Variants in PRKD1 observed in about 807,000 individuals in gnomAD.
PRKD1 encodes the protein protein kinase D1, also known as serine/threonine-protein kinase D1.
PRKD1 carries 63 observed loss-of-function variants against 95.9 expected under a neutral mutation model. The ratio of observed to expected loss-of-function variants is 0.66; its 90% confidence interval spans 0.54 to 0.81. PRKD1 has a LOEUF of 0.81. Ranked by LOEUF, PRKD1 falls within the 30% of genes least tolerant of loss-of-function variation. The pLI is 0.00. For missense variants in PRKD1, 1,048 were observed against 1,165.3 expected, an observed-to-expected ratio of 0.90 and a Z score of 1.47; for synonymous variants, 425 against 423.1, an observed-to-expected ratio of 1.00 and a Z score of -0.05.
chr14:29,744,542 CTT>C (rs1594478024), intron 1 of PRKD1, among the ~76,000 whole-genome samples: 2 of 152,180 alleles, frequency 1.3e-5, no homozygotes, highest in East Asian at 3.9e-4. Context: ...TGGAATCATT[CTT>C]TTTATTAAAA....
chr14:29,904,211 C>T (rs1894418495), intron 1 of PRKD1, among the ~76,000 whole-genome samples: 1 of 152,078 alleles, frequency 6.6e-6, no homozygotes, highest in African/African-American at 2.4e-5. Context: ...GGAATTGAAG[C>T]TCAATCAAAA....
At chr14:29,655,298 G>C (rs547790834) in intron 4 of PRKD1, among the ~76,000 whole-genome samples, 1 of 152,242 alleles carries the variant, frequency 6.6e-6, no homozygotes, top group South Asian at 2.1e-4. Flanking sequence ...GAGTAAGAAT[G>C]ATTTTTCAAA....
intron 2 of PRKD1, among the ~76,000 whole-genome samples, chr14:29,671,601 A>G (rs1261653046): frequency 8.2e-6 from 1 of 122,224 alleles, no homozygotes; most frequent in African/African-American, 3.3e-5. Context: ...TTTAAACTAA[A>G]AGAAAAAAAA....
intron 2 of PRKD1, among the ~76,000 whole-genome samples, chr14:29,719,361 GGAT>G (rs1188854235): frequency 6.6e-6 from 1 of 152,124 alleles, no homozygotes; most frequent in Non-Finnish European, 1.5e-5. Context: ...ATGAGGAAGA[GGAT>G]GATAATGGTC....
intron 1 of PRKD1, among the ~76,000 whole-genome samples, chr14:29,782,989 G>A (rs986848770): frequency 6.6e-6 from 1 of 152,118 alleles, no homozygotes; most frequent in Non-Finnish European, 1.5e-5. Context: ...TCAAACATTT[G>A]TTTCTTTGTG....
In PRKD1 at chr14:29,868,841, T is replaced by G. The variant is rs1893003186; in HGVS notation, c.264+58408A>C. 3.9e-5 allele frequency among the ~76,000 whole-genome samples: 6 copies of G among 152,186 alleles called. No individual in the cohort carries two copies. In the South Asian group the frequency reaches 1.2e-3, roughly 31 times the overall value. On this transcript the variant is annotated intron_variant, in intron 1 of 17. Transcript: ENST00000331968. ...TATTATTCTAGTTCCTATGGAAACA[T>G]GCATTCTACTTACTGAGGCCAATCG...
At chr14:29,697,639 A>G (rs977790260) in intron 2 of PRKD1, among the ~76,000 whole-genome samples, 2 of 152,214 alleles carry the variant, frequency 1.3e-5, no homozygotes, top group Non-Finnish European at 2.9e-5. Flanking sequence ...ATGTTGTAAT[A>G]TAAAATGTCG....
At chr14:29,845,652 T>A (rs1444162139) in intron 1 of PRKD1, among the ~76,000 whole-genome samples, 3 of 151,922 alleles carry the variant, frequency 2.0e-5, no homozygotes, top group African/African-American at 7.2e-5. Context: ...CTAATACAAC[T>A]AAAAAAAATC....
chr14:29,592,005 C>T (rs1038976954), intron 16 of PRKD1, among the ~76,000 whole-genome samples: 1 of 152,104 alleles, frequency 6.6e-6, no homozygotes. Flanking sequence ...TACTGAGCTG[C>T]CCTTCCATAG....
intron 1 of PRKD1, among the ~76,000 whole-genome samples, chr14:29,923,301 CATATA>C (rs1392885240): frequency 1.3e-5 from 2 of 149,362 alleles, no homozygotes; most frequent in East Asian, 2.0e-4. Flanking sequence ...AATCAGTAGA[CATATA>C]ATATAGCCAA....
chr14:29,638,263 T>C (rs570242061), intron 6 of PRKD1: 3 of 524,974 alleles, frequency 5.7e-6, no homozygotes, highest in African/African-American at 3.8e-5. Context: ...AAGTTTTCAA[T>C]ACTAGCTGCT....
chr14:29,894,461 G>A (rs566026311), intron 1 of PRKD1, among the ~76,000 whole-genome samples: 20 of 152,324 alleles, frequency 1.3e-4, no homozygotes, highest in African/African-American at 4.8e-4. Flanking sequence ...AGTAAAGAAA[G>A]GCAGATAATG....
intron 1 of PRKD1, among the ~76,000 whole-genome samples, chr14:29,790,765 T>C (rs1379797385): frequency 6.6e-6 from 1 of 152,180 alleles, no homozygotes; most frequent in Non-Finnish European, 1.5e-5. Flanking sequence ...GAACAAACAG[T>C]AGTAAGCTTT....
At position 29,647,117 on chromosome 14, in the gene PRKD1, C is replaced by T. The variant is rs374768576; in HGVS notation, c.697-8213G>A. ...ATATGTGCCCACTGCTTAGTGGTGA[C>T]AGATACTGTGTTATACCATGGAGAA... On this transcript the variant is annotated intron_variant, in intron 4 of 17. Transcript: ENST00000331968. 9.5e-4 allele frequency among the ~76,000 whole-genome samples: 144 copies of T among 152,158 alleles called. 1 individual carries two copies. The highest frequency in any genetic ancestry group is 3.3e-3 in the African/African-American group (137 of 41,522).
chr14:29,598,919 T>C, intron 15 of PRKD1, 108 bp downstream of exon 15: 1 of 959,532 alleles, frequency 1.0e-6, no homozygotes, highest in South Asian at 1.5e-5. Flanking sequence ...TAGAAAACAC[T>C]TGAAACAAAT....
chr14:29,716,815 T>G (rs975227836), intron 2 of PRKD1, among the ~76,000 whole-genome samples: 1 of 152,162 alleles, frequency 6.6e-6, no homozygotes, highest in South Asian at 2.1e-4. Flanking sequence ...GTCATGGTGA[T>G]GAACACAATC....
At position 29,636,689 on chromosome 14, in the gene PRKD1, T is replaced by C. The variant is rs1880405716; in HGVS notation, c.986-195A>G. 1.3e-5 allele frequency among the ~76,000 whole-genome samples: 2 copies of C among 152,162 alleles called. 1 individual carries two copies. Among genetic ancestry groups the C allele is most frequent in the Admixed American group, 1.3e-4 (2 of 15,274 alleles). On this transcript the variant is annotated intron_variant, in intron 6 of 17. Coordinates refer to ENST00000331968, the MANE Select transcript of PRKD1 (RefSeq NM_002742.3). Reference sequence around the variant, plus strand: ...CAGGTTTATTACATAGGTAAACTTGTGTCATGGGGGTTTGTTGTACAGATT... The same window carrying C: ...CAGGTTTATTACATAGGTAAACTTGCGTCATGGGGGTTTGTTGTACAGATT...
At chr14:29,726,919 T>C (rs555851150) in intron 1 of PRKD1, among the ~76,000 whole-genome samples, 2 of 152,126 alleles carry the variant, frequency 1.3e-5, no homozygotes, top group Admixed American at 6.5e-5. Flanking sequence ...TACCCAGTAA[T>C]GGGATGGCTG....
At chr14:29,816,320 C>G (rs189892286) in intron 1 of PRKD1, among the ~76,000 whole-genome samples, 2 of 152,226 alleles carry the variant, frequency 1.3e-5, no homozygotes, top group East Asian at 3.9e-4. Flanking sequence ...GAAATCAGTA[C>G]AGAAAGAAAA....
Sources: allele counts gnomAD v4.1 joint callset (sites outside exome capture counted in the v4.1 genomes callset), GRCh38; gene constraint gnomAD v4.1.1; transcripts MANE v1.5; gene names NCBI Gene and HGNC (gene_info 2026-07-23, HGNC 2026-07-21).